The following RAP1GAP2 variants were observed in gnomAD, a reference collection of about 807,000 sequenced individuals.
RAP1GAP2 encodes the protein rap1 GTPase-activating protein 2.
In RAP1GAP2, 27 loss-of-function variants were observed where a neutral mutation model predicts 95.0. That is an observed-to-expected ratio of 0.28 (90% confidence interval 0.21 to 0.39). The LOEUF is 0.39. Ranked by LOEUF, RAP1GAP2 falls within the 10% of genes least tolerant of loss-of-function variation. RAP1GAP2 has a pLI of 1.00. For synonymous variants in RAP1GAP2, 373 were observed against 380.9 expected (o/e 0.98, Z 0.24); for missense variants, 771 against 970.0 (o/e 0.79, Z 2.72).
intron 2 of RAP1GAP2, among the ~76,000 whole-genome samples, chr17:2,884,605 C>G (rs1054787122): frequency 3.3e-5 from 5 of 151,918 alleles, no homozygotes; most frequent in Non-Finnish European, 7.4e-5. Flanking sequence ...AACTCCTGAC[C>G]TCAGGTGATC....
intron 19 of RAP1GAP2, among the ~76,000 whole-genome samples, chr17:3,023,039 A>G (rs911736160): frequency 6.6e-6 from 1 of 152,166 alleles, no homozygotes; most frequent in African/African-American, 2.4e-5. Flanking sequence ...TTTGTTCTGT[A>G]TGGTTAATGT....
chr17:2,756,946 C>A lies in RAP1GAP2; in HGVS notation c.50+1179C>A, dbSNP rs181831850. Among the ~76,000 whole-genome samples, 134 of 152,298 alleles carry A rather than the reference C, an allele frequency of 8.8e-4. 2 individuals carry two copies. The highest frequency in any genetic ancestry group is 3.1e-3 in the African/African-American group (127 of 41,580). On this transcript the variant is annotated intron_variant, in intron 1 of 25. Transcript: ENST00000637138. Reference sequence around the variant, plus strand: ...AACTTTTCCTCTGTTTTGCATATTTCCTGGATGGTTCCACCCAGCGTGGCC... The same window carrying A: ...AACTTTTCCTCTGTTTTGCATATTTACTGGATGGTTCCACCCAGCGTGGCC...
intron 1 of RAP1GAP2, among the ~76,000 whole-genome samples, chr17:2,758,225 G>C (rs1034328889): frequency 1.4e-5 from 2 of 143,522 alleles, no homozygotes; most frequent in Non-Finnish European, 3.0e-5. Flanking sequence ...GCCCAGGCTG[G>C]AGTGCAGTGG....
At chr17:2,937,344 G>C (rs918567123) in intron 3 of RAP1GAP2, among the ~76,000 whole-genome samples, 1 of 152,156 alleles carries the variant, frequency 6.6e-6, no homozygotes, top group African/African-American at 2.4e-5. Context: ...TGGATCCTTG[G>C]TTTTCTGGAC....
intron 3 of RAP1GAP2, among the ~76,000 whole-genome samples, chr17:2,912,725 C>G (rs1156519861): frequency 1.3e-5 from 2 of 152,190 alleles, no homozygotes; most frequent in East Asian, 3.8e-4. Flanking sequence ...CCGCTCCGGA[C>G]ATGGTTGGGA....
chr17:2,779,643 C>CAGAGGAGGGCAAGGGG (rs2068591447), intron 1 of RAP1GAP2, among the ~76,000 whole-genome samples: 1 of 151,726 alleles, frequency 6.6e-6, no homozygotes, highest in South Asian at 2.1e-4. Context: ...CAGCACTGGG[C>CAGAGGAGGGCAAGGGG]AGAGGAGGGC....
intron 2 of RAP1GAP2, among the ~76,000 whole-genome samples, chr17:2,838,973 C>T (rs1047555117): frequency 3.9e-5 from 6 of 151,970 alleles, no homozygotes; most frequent in Non-Finnish European, 8.8e-5. Context: ...TTATATTTAC[C>T]TTTTTTCTGG....
intron 2 of RAP1GAP2, among the ~76,000 whole-genome samples, chr17:2,863,612 T>A (rs2072499632): frequency 6.6e-6 from 1 of 152,196 alleles, no homozygotes; most frequent in African/African-American, 2.4e-5. Context: ...TCAGTCACAC[T>A]GAATGCTGTG....
chr17:2,960,874 G>A (rs2044293451), intron 4 of RAP1GAP2, among the ~76,000 whole-genome samples: 1 of 152,186 alleles, frequency 6.6e-6, no homozygotes, highest in African/African-American at 2.4e-5. Flanking sequence ...GAAACACCAC[G>A]TGTTCCCCTC....
At position 2,825,779 on chromosome 17, in the gene RAP1GAP2, C is replaced by T. The variant is rs752663957; in HGVS notation, c.80+25229C>T. Among the ~76,000 whole-genome samples the T allele has an allele frequency of 3.3e-5, 5 of 152,016 alleles. No homozygotes were observed. The highest frequency in any genetic ancestry group is 2.1e-4 in the South Asian group (1 of 4,786). On this transcript the variant is annotated intron_variant, in intron 2 of 24. Transcript: ENST00000254695. This position sits in a 1 kb window ranked among gnomAD's most constrained non-coding sequence, Gnocchi z 4.1. ...TTAGGTGTGAAGAGGGTCTGGTGCC[C>T]GCATCCAAGGAACTCACAGTCTCTG...
chr17:2,885,069 T>C (rs2151679042), intron 2 of RAP1GAP2, among the ~76,000 whole-genome samples: 1 of 148,000 alleles, frequency 6.8e-6, no homozygotes, highest in Non-Finnish European at 1.5e-5. Context: ...AGTCTCGCTC[T>C]GTCGCCCAGG....
At chr17:2,782,972 G>A (rs2068692443) in intron 1 of RAP1GAP2, among the ~76,000 whole-genome samples, 2 of 152,138 alleles carry the variant, frequency 1.3e-5, no homozygotes, top group South Asian at 2.1e-4. Flanking sequence ...AGCCCAGATC[G>A]TGCCCCTGCA....
At chr17:2,809,646 A>G (rs1042450456) in intron 2 of RAP1GAP2, among the ~76,000 whole-genome samples, 2 of 152,198 alleles carry the variant, frequency 1.3e-5, no homozygotes, top group Admixed American at 6.5e-5. Flanking sequence ...GTCCTGTGGA[A>G]GAGGCCAGAG....
chr17:2,967,498 C>G (rs2044667926), intron 8 of RAP1GAP2, among the ~76,000 whole-genome samples: 1 of 152,148 alleles, frequency 6.6e-6, no homozygotes. Context: ...CTGGAATAGA[C>G]AGGGATCTTT....
At position 3,003,728 on chromosome 17, in the gene RAP1GAP2, G is replaced by A. The variant is rs1009715588; in HGVS notation, c.1201-1641G>A. On this transcript the variant is annotated intron_variant, in intron 14 of 24. Transcript: ENST00000254695. This position sits in a 1 kb window ranked among gnomAD's most constrained non-coding sequence, Gnocchi z 4.1. ...CGCTGCATTTAGAAAACAGGAAGGTGGGGCTGTGTTCAGGCAACTTCTGCT... is the reference window on the plus strand; with the variant it reads ...CGCTGCATTTAGAAAACAGGAAGGTAGGGCTGTGTTCAGGCAACTTCTGCT... 2.6e-5 allele frequency among the ~76,000 whole-genome samples: 4 copies of A among 152,192 alleles called. No homozygotes were observed. Among genetic ancestry groups the A allele is most frequent in the African/African-American group, 4.8e-5 (2 of 41,438 alleles).
At chr17:2,968,346 T>G (rs892656454) in intron 8 of RAP1GAP2, among the ~76,000 whole-genome samples, 4 of 152,142 alleles carry the variant, frequency 2.6e-5, no homozygotes, top group Non-Finnish European at 4.4e-5. Flanking sequence ...CTTAAGAAAC[T>G]CTCACATAAT....
chr17:2,935,238 TG>T (rs1193533342), intron 3 of RAP1GAP2, among the ~76,000 whole-genome samples: 2 of 152,202 alleles, frequency 1.3e-5, no homozygotes, highest in African/African-American at 4.8e-5. Flanking sequence ...CCAGGCGCAG[TG>T]GCTCACACCT....
At chr17:2,830,341 G>C (rs1283170830) in intron 2 of RAP1GAP2, among the ~76,000 whole-genome samples, 1 of 152,166 alleles carries the variant, frequency 6.6e-6, no homozygotes, top group Non-Finnish European at 1.5e-5. Flanking sequence ...TTGAACCCAT[G>C]AGGCGGAGGT....
chr17:2,879,407 C>T (rs936860343), intron 2 of RAP1GAP2, among the ~76,000 whole-genome samples: 79 of 152,048 alleles, frequency 5.2e-4, no homozygotes, highest in Non-Finnish European at 8.5e-4. Context: ...TGAGCCACTG[C>T]GCCCGGCCAC....
Sources: allele counts gnomAD v4.1 joint callset (sites outside exome capture counted in the v4.1 genomes callset), GRCh38; gene constraint gnomAD v4.1.1; non-coding constraint Gnocchi (gnomAD v3.1); transcripts MANE v1.5; gene names NCBI Gene and HGNC (gene_info 2026-07-23, HGNC 2026-07-21).